The following CHODL variants were observed in gnomAD, a reference collection of about 807,000 sequenced individuals.
The protein encoded by CHODL is chondrolectin, also known as transmembrane protein MT75.
In CHODL, 29 loss-of-function variants were observed where a neutral mutation model predicts 34.5. That is an observed-to-expected ratio of 0.84 (90% CI 0.63 to 1.15). The LOEUF (loss-of-function observed/expected upper bound fraction) is 1.15, where lower values mean the gene tolerates loss of function less well. Among genes scored for constraint, CHODL ranks in the 50% most tolerant of loss-of-function variants. The pLI is 0.00. For missense variants in CHODL, 332 were observed against 332.5 expected (o/e 1.00, Z 0.01); for synonymous variants, 125 against 116.1 (o/e 1.08, Z -0.49).
At chr21:18,006,704 A>G (rs1264826997) in intron 1 of CHODL, among the ~76,000 whole-genome samples, 1 of 152,262 alleles carries the variant, frequency 6.6e-6, no homozygotes, top group Non-Finnish European at 1.5e-5. Context: ...ACTAAGGGTT[A>G]TCTTTCTATT....
In CHODL at chr21:18,083,303, C is replaced by T. The variant is rs146641124; in HGVS notation, c.-45+55332C>T. ...CTCTGCCTAGATTTTAGAGGATGTACGGAAAAGCCTGTATGTCCAGGCAGA... is the reference window on the plus strand; with the variant it reads ...CTCTGCCTAGATTTTAGAGGATGTATGGAAAAGCCTGTATGTCCAGGCAGA... On this transcript the variant is annotated intron_variant, in intron 2 of 6. Coordinates refer to the CHODL transcript ENST00000400127. 9.3e-3 allele frequency among the ~76,000 whole-genome samples: 1,413 copies of T among 152,310 alleles called. 24 individuals are homozygous for T. Among genetic ancestry groups the T allele is most frequent in the South Asian group, 0.051 (246 of 4,830 alleles).
At chr21:18,163,822 G>C (rs1227441788) in intron 2 of CHODL, among the ~76,000 whole-genome samples, 1 of 152,096 alleles carries the variant, frequency 6.6e-6, no homozygotes, top group Non-Finnish European at 1.5e-5. Context: ...TCACTATAAA[G>C]AGAAGCCTCA....
chr21:18,252,642 T>C, intron 1 of CHODL, among the ~76,000 whole-genome samples: 1 of 152,142 alleles, frequency 6.6e-6, no homozygotes, highest in East Asian at 1.9e-4. Context: ...AAATTCAGTG[T>C]CAGCTTTAAC....
intron 2 of CHODL, among the ~76,000 whole-genome samples, chr21:18,197,838 GA>G (rs1387861236): frequency 6.6e-6 from 1 of 152,174 alleles, no homozygotes; most frequent in Admixed American, 6.5e-5. Flanking sequence ...GGAGGAAGAA[GA>G]AGAAACTGTA....
chr21:18,146,702 T>A (rs1254646970), intron 2 of CHODL, among the ~76,000 whole-genome samples: 1 of 152,180 alleles, frequency 6.6e-6, no homozygotes, highest in East Asian at 1.9e-4. Context: ...ACTAATACAG[T>A]ACTTACACAT....
intron 2 of CHODL, among the ~76,000 whole-genome samples, chr21:18,214,735 C>T (rs1476050196): frequency 6.6e-6 from 1 of 152,106 alleles, no homozygotes; most frequent in Admixed American, 6.6e-5. Context: ...CTGTTAATTA[C>T]TAGAAGAGTC....
intron 1 of CHODL, among the ~76,000 whole-genome samples, chr21:17,932,556 T>G (rs993525403): frequency 2.0e-5 from 3 of 152,064 alleles, no homozygotes; most frequent in East Asian, 1.9e-4. Flanking sequence ...GAAATCAGCC[T>G]AAGTGTCCAT....
chr21:18,060,902 A>G (rs1445376283), intron 2 of CHODL, among the ~76,000 whole-genome samples: 1 of 152,190 alleles, frequency 6.6e-6, no homozygotes, highest in Non-Finnish European at 1.5e-5. Flanking sequence ...CGACTAGGAA[A>G]GATAGTAAAC....
chr21:18,174,366 C>T (rs572957798), intron 2 of CHODL, among the ~76,000 whole-genome samples: 196 of 151,472 alleles, frequency 1.3e-3, no homozygotes, highest in Non-Finnish European at 1.9e-3. Flanking sequence ...GAATTGGATT[C>T]GATATCTACT....
chr21:18,083,122 C>T (rs1303530717), intron 2 of CHODL, among the ~76,000 whole-genome samples: 1 of 152,206 alleles, frequency 6.6e-6, no homozygotes, highest in East Asian at 1.9e-4. Flanking sequence ...GGCCCAGGGC[C>T]TTGCTGCTCT....
chr21:18,189,109 C>A (rs1452744203), intron 2 of CHODL, among the ~76,000 whole-genome samples: 1 of 152,110 alleles, frequency 6.6e-6, no homozygotes, highest in Non-Finnish European at 1.5e-5. Flanking sequence ...CTTTTCCTGG[C>A]TCTATTTATC....
chr21:18,030,145 A>T (rs1042875255), intron 2 of CHODL, among the ~76,000 whole-genome samples: 2 of 152,154 alleles, frequency 1.3e-5, no homozygotes, highest in African/African-American at 4.8e-5. Flanking sequence ...AGGATATGGC[A>T]AAAGTGATGG....
chr21:18,156,904 G>T (rs1601082229), intron 2 of CHODL, among the ~76,000 whole-genome samples: 1 of 152,192 alleles, frequency 6.6e-6, no homozygotes, highest in African/African-American at 2.4e-5. Flanking sequence ...CTCTCATGTT[G>T]ATCCTTGGCT....
At chr21:17,917,398 C>T (rs968709532) in exon 1 of CHODL, 1 of 152,222 alleles carries the variant, frequency 6.6e-6, no homozygotes, top group Non-Finnish European at 1.5e-5. Flanking sequence ...AGCCAATTCC[C>T]TGGTAAGTCC....
chr21:18,144,681 A>C (rs2072846197), intron 2 of CHODL, among the ~76,000 whole-genome samples: 1 of 152,128 alleles, frequency 6.6e-6, no homozygotes, highest in Non-Finnish European at 1.5e-5. Flanking sequence ...TAAAATGTTG[A>C]ATCTGTTTCT....
chr21:17,951,901 GAAT>G (rs984871171), intron 1 of CHODL, among the ~76,000 whole-genome samples: 2 of 151,996 alleles, frequency 1.3e-5, no homozygotes, highest in Admixed American at 1.3e-4. Flanking sequence ...GAAAATGAGA[GAAT>G]AATATTTAAA....
At chr21:17,978,011 G>A (rs1426893219) in intron 1 of CHODL, among the ~76,000 whole-genome samples, 2 of 151,830 alleles carry the variant, frequency 1.3e-5, no homozygotes, top group Non-Finnish European at 2.9e-5. Context: ...TCTATTGTTG[G>A]CATAATAAAT....
chr21:18,081,184 C>A (rs2064937181), intron 2 of CHODL, among the ~76,000 whole-genome samples: 1 of 152,088 alleles, frequency 6.6e-6, no homozygotes, highest in Non-Finnish European at 1.5e-5. Context: ...TACATAGTTT[C>A]ATGTCCTGAA....
chr21:18,011,075 G>T (rs1375476442), intron 1 of CHODL, among the ~76,000 whole-genome samples: 2 of 152,060 alleles, frequency 1.3e-5, no homozygotes, highest in Non-Finnish European at 2.9e-5. Context: ...GATTCCCTAT[G>T]TATGCTGTAT....
Sources: gnomAD v4.1 joint callset for allele counts (sites outside exome capture counted in the v4.1 genomes callset) on GRCh38, gnomAD v4.1.1 for gene constraint, MANE v1.5 for transcripts, NCBI Gene and HGNC (gene_info 2026-07-23, HGNC 2026-07-21) for gene names.